KIF5C: variants seen among roughly 807,000 people sequenced by gnomAD.
KIF5C encodes kinesin family member 5C.
KIF5C carries 18 observed loss-of-function variants against 125.2 expected under a neutral mutation model. That is an observed-to-expected ratio of 0.14 (90% CI 0.10 to 0.21). The LOEUF is 0.21. Ranked by LOEUF, KIF5C falls within the 10% of genes least tolerant of loss-of-function variation. KIF5C has a pLI of 1.00. For missense variants in KIF5C, 780 were observed against 1,183.8 expected (o/e 0.66, Z 5.01); for synonymous variants, 405 against 434.0 (o/e 0.93, Z 0.83).
chr2:148,889,348 T>C (rs1191118132), intron 1 of KIF5C, among the ~76,000 whole-genome samples: 6 of 152,228 alleles, frequency 3.9e-5, no homozygotes, highest in Non-Finnish European at 1.5e-5. Context: ...TATAACTATT[T>C]AGCAAACTAT....
intron 25 of KIF5C, among the ~76,000 whole-genome samples, chr2:149,022,690 G>A (rs555579772): frequency 3.9e-4 from 59 of 152,146 alleles, no homozygotes; most frequent in South Asian, 3.5e-3. Context: ...TTGGGAGGCC[G>A]AGGTGGGTGG....
chr2:148,952,584 C>T (rs4459700), intron 10 of KIF5C, among the ~76,000 whole-genome samples: 1 of 152,070 alleles, frequency 6.6e-6, no homozygotes, highest in Non-Finnish European at 1.5e-5. Flanking sequence ...TGTAGGATGT[C>T]CTAGGATGCA....
At chr2:148,918,027 G>T (rs1166691195) in intron 1 of KIF5C, among the ~76,000 whole-genome samples, 3 of 152,078 alleles carry the variant, frequency 2.0e-5, no homozygotes, top group Non-Finnish European at 4.4e-5. Flanking sequence ...ACAGTTATTG[G>T]GTAATGGGTC....
At chr2:148,974,749 C>T (rs1375041544) in intron 12 of KIF5C, among the ~76,000 whole-genome samples, 1 of 152,160 alleles carries the variant, frequency 6.6e-6, no homozygotes, top group Non-Finnish European at 1.5e-5. Flanking sequence ...AAGATTAGAC[C>T]ATATGCATTT....
intron 3 of KIF5C, among the ~76,000 whole-genome samples, chr2:148,931,381 G>A (rs1201934701): frequency 6.6e-6 from 1 of 152,260 alleles, no homozygotes; most frequent in East Asian, 1.9e-4. Flanking sequence ...AAAGAGCTAT[G>A]CCCGCCCTTT....
chr2:148,969,477 G>A (rs1680843539), intron 11 of KIF5C, among the ~76,000 whole-genome samples: 2 of 151,082 alleles, frequency 1.3e-5, no homozygotes, highest in African/African-American at 4.9e-5. Context: ...GTGTGGGGAG[G>A]CCTTTCAGAT....
chr2:148,979,474 A>G (rs950644098), intron 13 of KIF5C, among the ~76,000 whole-genome samples: 4 of 152,054 alleles, frequency 2.6e-5, no homozygotes, highest in African/African-American at 7.2e-5. Flanking sequence ...GAGTTTCTCT[A>G]TGTTGGTCAG....
At chr2:148,944,209 G>A (rs1395649618) in intron 7 of KIF5C, among the ~76,000 whole-genome samples, 2 of 152,062 alleles carry the variant, frequency 1.3e-5, no homozygotes, top group Non-Finnish European at 2.9e-5. Context: ...CCATTTTAAA[G>A]TGTGCATTTA....
At chr2:148,915,316 T>C (rs1681502307) in intron 1 of KIF5C, among the ~76,000 whole-genome samples, 1 of 152,168 alleles carries the variant, frequency 6.6e-6, no homozygotes, top group Non-Finnish European at 1.5e-5. Context: ...AGACATCTAT[T>C]GAGCACCTGC....
chr2:148,941,429 G>A (rs758397786), intron 4 of KIF5C, among the ~76,000 whole-genome samples, 181 bp from the exon 5 acceptor site: 134 of 151,342 alleles, frequency 8.9e-4, no homozygotes, highest in Non-Finnish European at 7.2e-4. Context: ...TTAGGGAAGC[G>A]TAGAGCAAGC....
intron 2 of KIF5C, among the ~76,000 whole-genome samples, chr2:148,927,159 G>A (rs1482889500): frequency 6.6e-6 from 1 of 152,210 alleles, no homozygotes; most frequent in Non-Finnish European, 1.5e-5. Flanking sequence ...GGAGTTTCAT[G>A]AGCAGCGATG....
At chr2:148,933,747 A>ACACG (rs1383874297) in intron 3 of KIF5C, among the ~76,000 whole-genome samples, 1 of 150,944 alleles carries the variant, frequency 6.6e-6, no homozygotes, top group African/African-American at 2.4e-5. Flanking sequence ...TACATCATAC[A>ACACG]CACGCACACA....
chr2:149,001,406 G>A (rs1397887148), intron 21 of KIF5C, among the ~76,000 whole-genome samples: 3 of 152,182 alleles, frequency 2.0e-5, no homozygotes, highest in Non-Finnish European at 4.4e-5. Context: ...GGACTGTCCT[G>A]TTGGGGGCCA....
chr2:148,971,266 A>ATCTGTCTGTCTG (rs10569710), intron 11 of KIF5C, among the ~76,000 whole-genome samples: 23 of 146,868 alleles, frequency 1.6e-4, no homozygotes, highest in Non-Finnish European at 1.3e-4. Flanking sequence ...TGATTAGAAA[A>ATCTGTCTGTCTG]TCTGTCTGTC....
intron 23 of KIF5C, among the ~76,000 whole-genome samples, chr2:149,009,028 C>T (rs1483337819): frequency 4.5e-5 from 6 of 133,360 alleles, no homozygotes; most frequent in Admixed American, 8.2e-5. Flanking sequence ...CTTGCTCTGT[C>T]GCCCAGGCTG....
intron 21 of KIF5C, among the ~76,000 whole-genome samples, chr2:149,003,219 G>A (rs557318602): frequency 5.9e-5 from 9 of 152,356 alleles, no homozygotes; most frequent in Admixed American, 3.3e-4. Flanking sequence ...AGAAATAGAC[G>A]CACTGTCCTT....
At chr2:149,007,745 T>C (rs1217350387) in intron 22 of KIF5C, among the ~76,000 whole-genome samples, 1 of 152,222 alleles carries the variant, frequency 6.6e-6, no homozygotes, top group African/African-American at 2.4e-5. Context: ...GAGTTTTTTT[T>C]TTTTAGCTCT....
At chr2:148,915,303 A>G (rs949277479) in intron 1 of KIF5C, among the ~76,000 whole-genome samples, 1 of 152,198 alleles carries the variant, frequency 6.6e-6, no homozygotes, top group African/African-American at 2.4e-5. Context: ...CATTATGATC[A>G]ACAGACATCT....
rs760573648 is a variant in KIF5C, at chr2:148,947,042, G to A, written c.714+19G>A. The A allele has an allele frequency of 1.0e-5, 16 of 1,598,420 alleles. No homozygotes were observed. Among genetic ancestry groups the A allele is most frequent in the Non-Finnish European group, 1.3e-5 (15 of 1,174,468 alleles). On this transcript the variant is annotated intron_variant, in intron 8 of 25. Coordinates refer to ENST00000435030, the MANE Select transcript of KIF5C (RefSeq NM_004522.3). ...CGAAAAGGTAATTTGTTCTTTATTT[G>A]TATTATCTATAATTTTCCCCTTTTA... is the stretch of plus-strand genomic sequence containing the variant.
Sources: allele counts gnomAD v4.1 joint callset (sites outside exome capture counted in the v4.1 genomes callset), GRCh38; gene constraint gnomAD v4.1.1; transcripts MANE v1.5; gene names NCBI Gene and HGNC (gene_info 2026-07-23, HGNC 2026-07-21).